Variants in AFF3 observed in about 807,000 individuals in gnomAD.
AFF3 encodes ALF transcription elongation factor 3, also known as AF4/FMR2 family member 3.
Under a neutral mutation model 129.7 loss-of-function variants are expected in AFF3, and 32 were observed. That is an observed-to-expected ratio of 0.25 (90% CI 0.19 to 0.33). AFF3 has a LOEUF of 0.33. AFF3 is among the 10% of genes least tolerant of loss of function. The probability of loss-of-function intolerance (pLI) is 1.00; values close to 1 mark genes in which losing one functional copy is unlikely to be tolerated. For missense variants in AFF3, 1,373 were observed against 1,592.0 expected (o/e 0.86, Z 2.34); for synonymous variants, 644 against 635.4 (o/e 1.01, Z -0.20).
At chr2:99,871,269 G>C (rs375502438) in intron 7 of AFF3, among the ~76,000 whole-genome samples, 61 of 152,268 alleles carry the variant, frequency 4.0e-4, no homozygotes, top group African/African-American at 1.5e-3. Flanking sequence ...AAACACTTCT[G>C]GTCCCAAGCA....
At chr2:100,105,612 G>A in intron 2 of AFF3, 29 bp from the exon 3 acceptor site, 1 of 1,337,068 alleles carries the variant, frequency 7.5e-7, no homozygotes, top group Non-Finnish European at 9.9e-7. Flanking sequence ...TATCATCGTG[G>A]CTCCTAAAGA....
chr2:99,661,856 C>T (rs930633211), intron 12 of AFF3, among the ~76,000 whole-genome samples: 2 of 152,178 alleles, frequency 1.3e-5, no homozygotes, highest in East Asian at 1.9e-4. Flanking sequence ...AATACAATTA[C>T]TGGCCAGGCT....
At chr2:99,681,198 A>T (rs1327260087) in intron 11 of AFF3, among the ~76,000 whole-genome samples, 1 of 152,208 alleles carries the variant, frequency 6.6e-6, no homozygotes, top group South Asian at 2.1e-4. Flanking sequence ...GAAGGTCATG[A>T]ATAGCTCTGC....
chr2:99,853,473 C>T (rs948116774), intron 7 of AFF3, among the ~76,000 whole-genome samples: 2 of 152,154 alleles, frequency 1.3e-5, no homozygotes, highest in African/African-American at 2.4e-5. Context: ...AATTGTTGAA[C>T]ACATCTTGTT....
At chr2:100,100,786 T>C (rs532966128) in intron 4 of AFF3, among the ~76,000 whole-genome samples, 249 of 152,272 alleles carry the variant, frequency 1.6e-3, no homozygotes, top group Non-Finnish European at 2.4e-3. Flanking sequence ...AAAGGGATGG[T>C]CATTATTTTA....
intron 7 of AFF3, among the ~76,000 whole-genome samples, chr2:99,911,952 C>G (rs975259902): frequency 1.3e-5 from 2 of 152,168 alleles, no homozygotes; most frequent in African/African-American, 2.4e-5. Context: ...AATTTACAAG[C>G]ACAAAATAAT....
intron 7 of AFF3, among the ~76,000 whole-genome samples, chr2:99,887,392 C>G (rs1266526357): frequency 6.6e-6 from 1 of 152,060 alleles, no homozygotes; most frequent in Non-Finnish European, 1.5e-5. Flanking sequence ...ATTCTAAGAC[C>G]CTTAGCCTTT....
At chr2:99,952,168 C>T (rs140779497) in intron 7 of AFF3, among the ~76,000 whole-genome samples, 152 of 152,184 alleles carry the variant, frequency 1.0e-3, no homozygotes, top group African/African-American at 3.5e-3. Flanking sequence ...ATCATGGGGG[C>T]GGATTTGCCC....
chr2:99,673,559 G>GC (rs1342071138), intron 11 of AFF3, among the ~76,000 whole-genome samples: 1 of 152,196 alleles, frequency 6.6e-6, no homozygotes, highest in Non-Finnish European at 1.5e-5. Context: ...CTGTATAAAA[G>GC]CGTGCTCTCC....
At chr2:99,710,856 T>C (rs1404671540) in intron 11 of AFF3, among the ~76,000 whole-genome samples, 2 of 152,178 alleles carry the variant, frequency 1.3e-5, no homozygotes, top group African/African-American at 4.8e-5. Context: ...ACAGCTTTAC[T>C]AAAATACACT....
chr2:99,948,881 T>C (rs58262177), intron 7 of AFF3, among the ~76,000 whole-genome samples: 1,990 of 152,280 alleles, frequency 0.013, 53 homozygotes, highest in African/African-American at 0.046. Context: ...GGGAAAGAAA[T>C]GCGTGAAAAC....
intron 13 of AFF3, among the ~76,000 whole-genome samples, chr2:99,604,280 T>C (rs543156917): frequency 4.6e-5 from 7 of 152,038 alleles, no homozygotes; most frequent in Admixed American, 3.9e-4. Context: ...TACCATGAAA[T>C]ACAATGCAAC....
intron 4 of AFF3, among the ~76,000 whole-genome samples, chr2:100,017,742 G>C (rs888141933): frequency 2.0e-5 from 3 of 152,164 alleles, no homozygotes; most frequent in African/African-American, 7.2e-5. Context: ...ATTTACAGTG[G>C]AGAAACAAGA....
chr2:99,946,988 T>C (rs1010069857), intron 7 of AFF3, among the ~76,000 whole-genome samples: 1 of 152,304 alleles, frequency 6.6e-6, no homozygotes, highest in South Asian at 2.1e-4. Context: ...TGGCAACATG[T>C]TGGTCATCTC....
At chr2:99,941,995 C>T (rs1455569841) in intron 7 of AFF3, among the ~76,000 whole-genome samples, 1 of 152,186 alleles carries the variant, frequency 6.6e-6, no homozygotes, top group Non-Finnish European at 1.5e-5. Context: ...TGAGTGTACA[C>T]TGAACACACA....
At chr2:99,924,248 T>G (rs565356120) in intron 7 of AFF3, among the ~76,000 whole-genome samples, 1 of 152,286 alleles carries the variant, frequency 6.6e-6, no homozygotes, top group African/African-American at 2.4e-5. Flanking sequence ...TTAAATTATT[T>G]TGGAAAACAA....
intron 14 of AFF3, among the ~76,000 whole-genome samples, chr2:99,597,173 G>C (rs528672774): frequency 6.6e-6 from 1 of 152,290 alleles, no homozygotes; most frequent in South Asian, 2.1e-4. Context: ...ACTCATCTAG[G>C]TTTAAAGACC....
intron 11 of AFF3, among the ~76,000 whole-genome samples, chr2:99,686,428 A>G (rs1675066036): frequency 6.6e-6 from 1 of 152,172 alleles, no homozygotes; most frequent in African/African-American, 2.4e-5. Context: ...CTTTCTGACC[A>G]AGGAACTGGA....
intron 4 of AFF3, among the ~76,000 whole-genome samples, chr2:100,103,522 G>C (rs1690915796): frequency 6.9e-6 from 1 of 144,460 alleles, no homozygotes; most frequent in Admixed American, 6.9e-5. Context: ...GGGGGGTTGG[G>C]GGGAGCAGAG....
Sources: gnomAD v4.1 joint callset for allele counts (sites outside exome capture counted in the v4.1 genomes callset) on GRCh38, gnomAD v4.1.1 for gene constraint, MANE v1.5 for transcripts, NCBI Gene and HGNC (gene_info 2026-07-23, HGNC 2026-07-21) for gene names.